LRRC71: variants seen among roughly 807,000 people sequenced by gnomAD.
LRRC71 encodes leucine rich repeat containing 71, also known as leucine-rich repeat-containing protein 71.
Under a neutral mutation model 66.6 loss-of-function variants are expected in LRRC71, and 54 were observed. The ratio of observed to expected loss-of-function variants is 0.81; its 90% CI spans 0.65 to 1.02. The LOEUF (loss-of-function observed/expected upper bound fraction) is 1.02. Ranked by LOEUF, LRRC71 falls within the 50% of genes least tolerant of loss-of-function variation. The pLI, the probability that LRRC71 is intolerant of heterozygous loss-of-function variation, is 0.00. For missense variants in LRRC71, 724 were observed against 718.0 expected, an observed-to-expected ratio of 1.01 and a Z score of -0.10; for synonymous variants, 323 against 303.9, an observed-to-expected ratio of 1.06 and a Z score of -0.65.
chr1:156,935,768 CATG>C (rs1187149828), downstream of LRRC71: 1 of 542,332 alleles, frequency 1.8e-6, no homozygotes, highest in African/African-American at 1.9e-5. Context: ...GCTTAGGAGA[CATG>C]AGGCCTTGGA....
rs781205488 is a variant in LRRC71 at position 156,932,960 on chromosome 1, C to T, written c.1671C>T (p.Phe557=). The change falls in exon 15 of 15, where the codon TTC becomes TTT. Residue 557 remains phenylalanine (F), a synonymous_variant. Transcript: ENST00000337428. ...AKLREDEAMA[F]FP ...TCAGGGAGGATGAGGCCATGGCATT[C>T]TTCCCCTAGCCCCCTCCCACCTGCT... 4.5e-6 allele frequency: 7 copies of T among 1,566,666 alleles called. No homozygotes were observed. The East Asian group carries it at 1.7e-4, about 37-fold the overall frequency.
intron 13 of LRRC71, 142 bp from the exon 14 acceptor site, chr1:156,932,280 AGG>A (rs1387034377): frequency 1.4e-6 from 1 of 702,316 alleles, no homozygotes; most frequent in Non-Finnish European, 2.5e-6. Context: ...AGCTGAGTGA[AGG>A]GCTAGGTCAG....
chr1:156,927,246 A>T lies in LRRC71; in HGVS notation c.638A>T (p.His213Leu). The T allele has an allele frequency of 1.2e-6, 2 of 1,613,556 alleles. No homozygotes were observed. Among genetic ancestry groups the T allele is most frequent in the Non-Finnish European group, 1.7e-6 (2 of 1,179,778 alleles). The change falls in exon 6 of 15, where the codon CAC (histidine) becomes CTC (leucine). Residue 213 changes from histidine (H) to leucine (L), a missense_variant. Coordinates refer to ENST00000337428, the MANE Select transcript of LRRC71 (RefSeq NM_144702.3). ...EGNPLPEQSYHKLMALDSTIA... is the reference protein window; with the variant it reads ...EGNPLPEQSYLKLMALDSTIA... ...AACCCACTGCCGGAGCAGTCCTATC[A>T]CAAGCTCATGGCCTTGGACAGCACG...
Position 156,930,596 on chromosome 1 carries a change from C to T in LRRC71, c.1308C>T (p.Arg436=), listed in dbSNP as rs572428894. The T allele has an allele frequency of 1.3e-6, 2 of 1,565,882 alleles. No homozygotes were observed. The highest frequency in any genetic ancestry group is 1.4e-5 in the African/African-American group (1 of 73,780). Residue 436 remains arginine, a synonymous_variant, in exon 12 of 15, where the codon CGC becomes CGT. Transcript: ENST00000337428. The part of the protein sequence containing the change: ...KGIKIGSREK[R]SILLESELVV... ...TCAAGATCGGGAGCAGAGAGAAGCGCAGCATCCTCCTGGAGTCCGAGGTAA... is the reference window on the plus strand; with the variant it reads ...TCAAGATCGGGAGCAGAGAGAAGCGTAGCATCCTCCTGGAGTCCGAGGTAA...
At position 156,927,501 on chromosome 1, in the gene LRRC71, C is replaced by T; in HGVS notation, c.668C>T (p.Ala223Val). ...HKLMALDSTIAHLSLRNNNID... is the reference protein window; with the variant it reads ...HKLMALDSTIVHLSLRNNNID... ...TCTCCCTCCGGCTGCCCCAGGATTGCGCACTTGTCTCTGCGGAACAATAAC... is the reference window on the plus strand; with the variant it reads ...TCTCCCTCCGGCTGCCCCAGGATTGTGCACTTGTCTCTGCGGAACAATAAC... The change falls in exon 7 of 15, where the codon GCG becomes GTG. Residue 223 changes from alanine to valine, a missense_variant. By Grantham distance (64) the Ala-to-Val change is moderately conservative. Coordinates refer to ENST00000337428, the MANE Select transcript of LRRC71 (RefSeq NM_144702.3). 6.5e-7 allele frequency: 1 copy of T among 1,527,568 alleles called. No individual in the cohort carries two copies. 94.6% of individuals were successfully genotyped at this position (1,527,568 alleles called of 1,614,324 possible).
intron 5 of LRRC71, among the ~76,000 whole-genome samples, chr1:156,926,559 T>G (rs1571043128): frequency 7.7e-6 from 1 of 129,326 alleles, no homozygotes; most frequent in African/African-American, 3.3e-5. Flanking sequence ...CTTATTTCCC[T>G]CCACCCCACC....
chr1:156,937,562 C>T (rs553372181), downstream of LRRC71: 7 of 1,476,872 alleles, frequency 4.7e-6, no homozygotes, highest in South Asian at 9.7e-5. Flanking sequence ...CCTCCCGTTC[C>T]TGTGGGATTC....
chr1:156,930,087 T>C (rs1654119761), intron 11 of LRRC71, among the ~76,000 whole-genome samples: 1 of 103,890 alleles, frequency 9.6e-6, no homozygotes, highest in Non-Finnish European at 1.8e-5. Context: ...TTTTCTTTCT[T>C]TCTTTCTCTC....
At chr1:156,937,159 C>T, downstream of LRRC71, 2 of 1,586,870 alleles carry the variant, frequency 1.3e-6, no homozygotes, top group Non-Finnish European at 1.7e-6. Flanking sequence ...GGATCTAGGG[C>T]TCCCGCGAAG....
downstream of LRRC71, chr1:156,937,323 T>C (rs868188): frequency 0.37 from 590,448 of 1,613,488 alleles, 111,136 homozygotes; most frequent in Admixed American, 0.52. Context: ...AGGGCCAGGC[T>C]TGGAGGAGAG....
At chr1:156,923,840 T>C in intron 1 of LRRC71, 109 bp from the exon 2 acceptor site, 2 of 1,177,036 alleles carry the variant, frequency 1.7e-6, no homozygotes, top group Non-Finnish European at 2.3e-6. Context: ...GCAAGTTGAA[T>C]GGCTGCAAAA....
intron 14 of LRRC71, 123 bp downstream of exon 14, chr1:156,932,668 T>G: frequency 1.2e-6 from 2 of 1,600,896 alleles, no homozygotes; most frequent in Middle Eastern, 1.7e-4. Context: ...TTTCTCTGCT[T>G]CTTTTTAATA....
rs567975686 is a variant in LRRC71 at position 156,933,053 on chromosome 1, T to A, written c.*84T>A. The A allele has an allele frequency of 6.5e-6, 6 of 921,580 alleles. No homozygotes were observed. In the East Asian group the frequency reaches 1.3e-4, roughly 21 times the overall value. 57.1% of individuals were successfully genotyped at this position (921,580 alleles called of 1,614,324 possible). A position where few individuals can be genotyped will look rare whatever the true frequency, so the allele number is the denominator to read the frequency against. On this transcript the variant is annotated 3_prime_UTR_variant, in exon 15 of 15. Coordinates refer to ENST00000337428, the MANE Select transcript of LRRC71 (RefSeq NM_144702.3). ...TGTGGGGTGACCTCCCTGGGGGAGA[T>A]CTCAGACCAATAACAAAGTCTGTTG... is the stretch of plus-strand genomic sequence containing the variant.
chr1:156,936,944 G>C, downstream of LRRC71: 1 of 1,614,082 alleles, frequency 6.2e-7, no homozygotes. Flanking sequence ...CACAGGCGTG[G>C]TGCCACCAGA....
chr1:156,935,936 C>T (rs558618846), downstream of LRRC71: 5 of 1,543,314 alleles, frequency 3.2e-6, no homozygotes, highest in South Asian at 3.6e-5. Flanking sequence ...CTACCCTGTG[C>T]CCCGGTCTCA....
chr1:156,920,853 CG>C lies in LRRC71; in HGVS notation c.54del (p.Thr19ProfsTer8). Reference protein sequence around the residue: ...APGASPRAPRPGTQKSSGAVT... With the variant: ...APGASPRAPRXGTQKSSGAVT... ...GGGGCCTCACCCAGGGCCCCGCGTC[CG>C]GGGACCCAGAAGTCTTCTGGCGCGG... On this transcript the variant is annotated frameshift_variant, in exon 1 of 15. Transcript: ENST00000337428. LOFTEE classifies it high-confidence loss of function. This position sits in a 1 kb window ranked among gnomAD's most constrained non-coding sequence, Gnocchi z 4.9. The C allele has an allele frequency of 6.5e-7, 1 of 1,538,212 alleles. No homozygotes were observed. The highest frequency in any genetic ancestry group is 8.8e-7 in the Non-Finnish European group (1 of 1,140,956).
the LRRC71 span, chr1:156,939,888 G>T: frequency 1.2e-6 from 2 of 1,607,222 alleles, no homozygotes; most frequent in South Asian, 1.1e-5. Flanking sequence ...GGCTCCACAG[G>T]ATCAGATGTC....
chr1:156,929,185 A>T, intron 9 of LRRC71, 95 bp from the exon 10 acceptor site: 1 of 1,445,676 alleles, frequency 6.9e-7, no homozygotes, highest in Non-Finnish European at 9.3e-7. Context: ...TGTCAGCTCG[A>T]CTGCTCCCCA....
chr1:156,923,531 G>A (rs899377543), intron 1 of LRRC71, among the ~76,000 whole-genome samples: 9 of 151,620 alleles, frequency 5.9e-5, no homozygotes, highest in African/African-American at 2.2e-4. Flanking sequence ...AGGAGTGGGA[G>A]TGGAAAGGAA....
Sources: allele counts gnomAD v4.1 joint callset (sites outside exome capture counted in the v4.1 genomes callset), GRCh38; gene constraint gnomAD v4.1.1; non-coding constraint Gnocchi (gnomAD v3.1); transcripts MANE v1.5; gene names NCBI Gene and HGNC (gene_info 2026-07-23, HGNC 2026-07-21).